SLC2A9: variants seen among roughly 807,000 people sequenced by gnomAD.
SLC2A9 encodes solute carrier family 2 member 9.
SLC2A9 carries 39 observed loss-of-function variants against 50.6 expected under a neutral mutation model. The ratio of observed to expected loss-of-function variants is 0.77; its 90% confidence interval spans 0.60 to 1.01. The LOEUF (loss-of-function observed/expected upper bound fraction) is 1.01. SLC2A9 is among the 50% of genes least tolerant of loss of function. SLC2A9 has a pLI of 0.00. For synonymous variants in SLC2A9, 324 were observed against 276.9 expected (o/e 1.17, Z -1.69); for missense variants, 686 against 677.6 (o/e 1.01, Z -0.14).
chr4:9,978,131 ACTT>A (rs979808425), intron 5 of SLC2A9, among the ~76,000 whole-genome samples: 1 of 152,170 alleles, frequency 6.6e-6, no homozygotes, highest in African/African-American at 2.4e-5. Context: ...GGAATTTGGG[ACTT>A]GCAACCATTC....
chr4:10,001,142 C>T (rs559576512), intron 2 of SLC2A9, among the ~76,000 whole-genome samples: 18 of 152,276 alleles, frequency 1.2e-4, no homozygotes, highest in East Asian at 9.7e-4. Context: ...GACACAAAGA[C>T]AGACACGGGT....
At chr4:10,028,138 C>T (rs1428188576) in intron 1 of SLC2A9, among the ~76,000 whole-genome samples, 2 of 152,196 alleles carry the variant, frequency 1.3e-5, no homozygotes, top group Non-Finnish European at 2.9e-5. Flanking sequence ...TTCGAGCTGC[C>T]ACACCAGGCC....
At chr4:9,862,549 A>G in intron 10 of SLC2A9, among the ~76,000 whole-genome samples, 1 of 151,916 alleles carries the variant, frequency 6.6e-6, no homozygotes, top group Non-Finnish European at 1.5e-5. Flanking sequence ...AGGGTTGAAG[A>G]AAATATGTTT....
chr4:9,888,143 A>T (rs1007766444), intron 9 of SLC2A9, among the ~76,000 whole-genome samples: 2 of 151,308 alleles, frequency 1.3e-5, no homozygotes. Flanking sequence ...GAGGAGGGAT[A>T]GCATTAGGAG....
rs540664264 is a variant in SLC2A9, at chr4:9,859,036, C to G, written c.1292-24028G>C. Among the ~76,000 whole-genome samples, 44 of 152,318 alleles carry G rather than the reference C, an allele frequency of 2.9e-4. No homozygotes were observed. The South Asian group carries it at 6.6e-3, about 23-fold the overall frequency. On this transcript the variant is annotated intron_variant, in intron 10 of 11. Coordinates refer to ENST00000264784, the MANE Select transcript of SLC2A9 (RefSeq NM_020041.3). ...TTACACCAGTGGTTTGCCAGGGACT[C>G]TCGGGTCTTTGGCCACTGACTGAAG... is the stretch of plus-strand genomic sequence containing the variant.
chr4:9,958,456 A>G (rs1387879094), intron 5 of SLC2A9, among the ~76,000 whole-genome samples: 1 of 152,194 alleles, frequency 6.6e-6, no homozygotes, highest in East Asian at 1.9e-4. Flanking sequence ...GAACACATGG[A>G]CACAGGGAGG....
intron 3 of SLC2A9, among the ~76,000 whole-genome samples, chr4:9,992,311 T>A (rs1039768859): frequency 2.0e-5 from 3 of 152,260 alleles, no homozygotes; most frequent in Non-Finnish European, 2.9e-5. Context: ...AGTGTTAGAA[T>A]GTTATTTGCC....
downstream of SLC2A9, among the ~76,000 whole-genome samples, chr4:9,776,179 C>A (rs545736104): frequency 5.0e-4 from 69 of 138,466 alleles, 1 homozygote; most frequent in East Asian, 0.015. Context: ...GGAAAGAAGT[C>A]TTTCTTTCTT....
At chr4:9,847,311 G>A (rs1003104292) in intron 10 of SLC2A9, among the ~76,000 whole-genome samples, 5 of 152,222 alleles carry the variant, frequency 3.3e-5, no homozygotes, top group African/African-American at 1.2e-4. Flanking sequence ...GGGAGAGAAA[G>A]TGAAGGCGGA....
At chr4:9,812,547 T>G (rs952241201) in intron 3 of SLC2A9, among the ~76,000 whole-genome samples, 1 of 152,058 alleles carries the variant, frequency 6.6e-6, no homozygotes, top group Non-Finnish European at 1.5e-5. Flanking sequence ...CTAACATACC[T>G]GCTCTCATCA....
chr4:9,986,093 A>C (rs1355384727), intron 3 of SLC2A9, among the ~76,000 whole-genome samples: 1 of 152,224 alleles, frequency 6.6e-6, no homozygotes, highest in Non-Finnish European at 1.5e-5. Flanking sequence ...GTCATCTTAC[A>C]ATTCGTGAGT....
chr4:9,917,325 CTTTTTTTT>C (rs55927201), intron 7 of SLC2A9, among the ~76,000 whole-genome samples: 4 of 81,798 alleles, frequency 4.9e-5, no homozygotes, highest in Admixed American at 2.0e-4. Flanking sequence ...TTCTTTTTTC[CTTTTTTTT>C]TTTTTTTTTT....
intron 5 of SLC2A9, among the ~76,000 whole-genome samples, chr4:9,964,476 C>T (rs1752766723): frequency 1.3e-5 from 2 of 152,170 alleles, no homozygotes; most frequent in African/African-American, 4.8e-5. Context: ...CCCATCTGAA[C>T]ATTTTCTCTG....
At chr4:9,774,497 C>T (rs568522385) in intron 1 of SLC2A9, among the ~76,000 whole-genome samples, 3 of 152,300 alleles carry the variant, frequency 2.0e-5, no homozygotes, top group African/African-American at 7.2e-5. Flanking sequence ...CAGCCATTTG[C>T]CATGCTGCCC....
chr4:9,979,321 C>G (rs776297229), intron 5 of SLC2A9, among the ~76,000 whole-genome samples: 2 of 152,090 alleles, frequency 1.3e-5, no homozygotes, highest in Non-Finnish European at 2.9e-5. Context: ...CTAGGACGTG[C>G]GAATTTGTTA....
At chr4:10,033,324 T>C (rs931415723) in intron 1 of SLC2A9, among the ~76,000 whole-genome samples, 3 of 152,110 alleles carry the variant, frequency 2.0e-5, no homozygotes, top group Admixed American at 6.5e-5. Flanking sequence ...GGCTCATCTA[T>C]CTACTCCCAG....
intron 10 of SLC2A9, among the ~76,000 whole-genome samples, chr4:9,846,939 C>T (rs898695302): frequency 6.6e-6 from 1 of 152,198 alleles, no homozygotes; most frequent in Non-Finnish European, 1.5e-5. Context: ...TATATTTTCT[C>T]TTAGTCACCA....
chr4:9,850,090 G>A (rs1258793031), intron 10 of SLC2A9, among the ~76,000 whole-genome samples: 4 of 151,998 alleles, frequency 2.6e-5, no homozygotes, highest in Non-Finnish European at 5.9e-5. Flanking sequence ...CAGATGCTGG[G>A]CTGAAGCAGG....
chr4:9,862,347 G>A lies in SLC2A9; in HGVS notation c.1291+25220C>T, dbSNP rs187736581. 1.2e-3 allele frequency among the ~76,000 whole-genome samples: 189 copies of A among 152,116 alleles called. 4 individuals are homozygous for A. The highest frequency in any genetic ancestry group is 4.3e-3 in the African/African-American group (180 of 41,406). ...TAGAGACTCAACGTTCTTTTCCTTT[G>A]TCTTGTTGCTTCTTTCAACATTTAC... On this transcript the variant is annotated intron_variant, in intron 10 of 11. Coordinates refer to ENST00000264784, the MANE Select transcript of SLC2A9 (RefSeq NM_020041.3).
Sources: allele counts gnomAD v4.1 joint callset (sites outside exome capture counted in the v4.1 genomes callset), GRCh38; gene constraint gnomAD v4.1.1; transcripts MANE v1.5; gene names NCBI Gene and HGNC (gene_info 2026-07-23, HGNC 2026-07-21).